ACADS: variants seen among roughly 807,000 people sequenced by gnomAD.
ACADS encodes acyl-CoA dehydrogenase short chain.
Under a neutral mutation model 46.8 loss-of-function variants are expected in ACADS, and 28 were observed. The observed-to-expected ratio is 0.60, with a 90% CI of 0.44 to 0.82. The LOEUF (loss-of-function observed/expected upper bound fraction) is 0.82, where lower values mean the gene tolerates loss of function less well. ACADS is among the 40% of genes least tolerant of loss of function. The pLI is 0.00. For missense variants in ACADS, 528 were observed against 578.0 expected (o/e 0.91, Z 0.89); for synonymous variants, 236 against 237.7 (o/e 0.99, Z 0.07).
Position 120,737,030 on chromosome 12 carries a change from C to T in ACADS, c.255C>T (p.Pro85=), listed in dbSNP as rs113118479. ...GGLGLLAMDV[P]EELGGAGLDY... ...TTGGGCTTCTGGCCATGGACGTGCC[C>T]GAGGAGCTTGGCGGTGCTGGCCTCG... Residue 85 remains proline, a synonymous_variant, in exon 3 of 10, where the codon CCC becomes CCT. Coordinates refer to ENST00000242592, the MANE Select transcript of ACADS (RefSeq NM_000017.4). The T allele has an allele frequency of 1.6e-4, 252 of 1,610,554 alleles. No individual in the cohort carries two copies. The highest frequency in any genetic ancestry group is 2.9e-4 in the South Asian group (26 of 90,104).
rs1883481029 is a variant in ACADS at position 120,737,262 on chromosome 12, G to C, written c.361-94G>C. On this transcript the variant is annotated intron_variant, in intron 3 of 9. Transcript: ENST00000242592. ...TCACAGGCCTTGGTCCTACTGGGTA[G>C]GCCCTGGACAGAACAGGCCCTGAGG... is the stretch of plus-strand genomic sequence containing the variant. 3.3e-6 allele frequency: 5 copies of C among 1,532,978 alleles called. No individual in the cohort carries two copies. In the Admixed American group the frequency reaches 9.7e-5, roughly 30 times the overall value. The allele number at this position is 1,532,978 out of a possible 1,614,324, so 95.0% of individuals were successfully genotyped here.
chr12:120,734,277 G>C (rs998253490), intron 2 of ACADS, among the ~76,000 whole-genome samples: 2 of 152,178 alleles, frequency 1.3e-5, no homozygotes, highest in African/African-American at 2.4e-5. Context: ...CATCTTGGGC[G>C]GTTGCTGTCA....
At chr12:120,726,029 C>A in intron 1 of ACADS, 98 bp downstream of exon 1, 1 of 1,253,872 alleles carries the variant, frequency 8.0e-7, no homozygotes, top group Non-Finnish European at 1.1e-6. Context: ...CGCTGGCAGG[C>A]GGAGCCCCAC....
intron 2 of ACADS, among the ~76,000 whole-genome samples, chr12:120,732,517 G>A (rs1266547729): frequency 2.0e-5 from 3 of 150,364 alleles, no homozygotes; most frequent in Non-Finnish European, 4.4e-5. Flanking sequence ...GGGCGGGCAG[G>A]CAGAGACACT....
chr12:120,737,631 C>T, intron 4 of ACADS, 164 bp downstream of exon 4: 1 of 1,037,364 alleles, frequency 9.6e-7, no homozygotes, highest in South Asian at 1.4e-5. Flanking sequence ...AGGAAGATTG[C>T]CTTCGGGGTC....
At chr12:120,729,331 C>T (rs1019603594) in intron 2 of ACADS, among the ~76,000 whole-genome samples, 28 of 150,036 alleles carry the variant, frequency 1.9e-4, no homozygotes, top group African/African-American at 6.9e-4. Context: ...GATCTTGGCT[C>T]ACTGCAGCCT....
At position 120,738,269 on chromosome 12, in the gene ACADS, T is replaced by C; in HGVS notation, c.625-11T>C. On this transcript the variant is annotated splice_polypyrimidine_tract_variant and intron_variant, in intron 5 of 9. Coordinates refer to ENST00000242592, the MANE Select transcript of ACADS (RefSeq NM_000017.4). Reference sequence around the variant, plus strand: ...GGCAGCTCTGAGAAAACCACCCGCCTCTCCTTTCAGGGCATCAGTGCCTTC... The same window carrying C: ...GGCAGCTCTGAGAAAACCACCCGCCCCTCCTTTCAGGGCATCAGTGCCTTC... 1 of 1,614,014 alleles carries C rather than the reference T, an allele frequency of 6.2e-7. No individual in the cohort carries two copies. The highest frequency in any genetic ancestry group is 1.1e-5 in the South Asian group (1 of 91,078).
rs748594281 is a variant in ACADS at position 120,738,828 on chromosome 12, G to A, written c.942G>A (p.Leu314=). 7 of 1,613,872 alleles carry A rather than the reference G, an allele frequency of 4.3e-6. No individual in the cohort carries two copies. Among genetic ancestry groups the A allele is most frequent in the Non-Finnish European group, 5.9e-6 (7 of 1,180,020 alleles). ...GGGTGGGGCTATTGCAGTTCAAGTT[G>A]GCAGACATGGCCCTGGCCCTGGAGA... ...LTKLQVIQFK[L]ADMALALESA... is the part of the protein sequence containing the mutation. Residue 314 remains leucine (L), a synonymous_variant, in exon 8 of 10, where the codon TTG becomes TTA. Coordinates refer to ENST00000242592, the MANE Select transcript of ACADS (RefSeq NM_000017.4).
rs1456001532 is a variant in ACADS, at chr12:120,727,028, C to A, written c.49C>A (p.Leu17Ile). The A allele has an allele frequency of 1.2e-6, 2 of 1,614,170 alleles. No individual in the cohort carries two copies. Among genetic ancestry groups the A allele is most frequent in the Non-Finnish European group, 1.7e-6 (2 of 1,180,030 alleles). The part of the protein sequence containing the change: ...ARASGPARRA[L>I]CPRAWRQLHT... ...CTCACTTCTGCCCTTGCCGGCAGCT[C>A]TCTGTCCTAGGGCCTGGCGGCAGTT... The change falls in exon 2 of 10, where the codon CTC becomes ATC. Residue 17 changes from leucine to isoleucine, a missense_variant and splice_region_variant. Transcript: ENST00000242592.
chr12:120,737,540 A>C, intron 4 of ACADS, 73 bp downstream of exon 4: 1 of 1,373,148 alleles, frequency 7.3e-7, no homozygotes, highest in Non-Finnish European at 1.0e-6. Context: ...TGCTAGGCCA[A>C]CTGCCCACTG....
At position 120,739,687 on chromosome 12, in the gene ACADS, G is replaced by C; in HGVS notation, c.*239G>C. 1.7e-6 allele frequency: 1 copy of C among 578,922 alleles called. No individual in the cohort carries two copies. The highest frequency in any genetic ancestry group is 3.1e-6 in the Non-Finnish European group (1 of 326,176). The allele number at this position is 578,922 out of a possible 1,614,324, so 35.9% of individuals were successfully genotyped here. ...TCAAGTTCCTCATCTAAGTGGCCCTGGCCTCCTGGGGGCGGGGTTGTGGGG... is the reference window on the plus strand; with the variant it reads ...TCAAGTTCCTCATCTAAGTGGCCCTCGCCTCCTGGGGGCGGGGTTGTGGGG... On this transcript the variant is annotated 3_prime_UTR_variant, in exon 10 of 10. Transcript: ENST00000242592.
In ACADS at chr12:120,728,707, G is replaced by C. The variant is rs139128460; in HGVS notation, c.210+1518G>C. ...ATTTTAGTAGAGACGGGGTTTCACC[G>C]TGTTGCCCAGGCTGGTCTCAAACTC... On this transcript the variant is annotated intron_variant, in intron 2 of 9. Transcript: ENST00000242592. This position sits in a 1 kb window ranked among gnomAD's most constrained non-coding sequence, Gnocchi z 4.0. Among the ~76,000 whole-genome samples, 2 of 150,718 alleles carry C rather than the reference G, an allele frequency of 1.3e-5. No individual in the cohort carries two copies. Among genetic ancestry groups the C allele is most frequent in the Non-Finnish European group, 3.0e-5 (2 of 67,670 alleles).
Position 120,739,529 on chromosome 12 carries a change from C to G in ACADS, c.*81C>G, listed in dbSNP as rs371172924. ...CCCCAACCCCGGCTCAGAGACTGGG[C>G]GGCCCGGCGGGGGCTCCCTGGGGAC... On this transcript the variant is annotated 3_prime_UTR_variant, in exon 10 of 10. Coordinates refer to ENST00000242592, the MANE Select transcript of ACADS (RefSeq NM_000017.4). The G allele has an allele frequency of 6.5e-7, 1 of 1,532,644 alleles. No individual in the cohort carries two copies. The highest frequency in any genetic ancestry group is 1.4e-5 in the African/African-American group (1 of 73,766). The allele number at this position is 1,532,644 out of a possible 1,614,324, so 94.9% of individuals were successfully genotyped here.
At chr12:120,729,439 G>A (rs528922895) in intron 2 of ACADS, among the ~76,000 whole-genome samples, 5 of 151,922 alleles carry the variant, frequency 3.3e-5, no homozygotes, top group Non-Finnish European at 7.4e-5. Flanking sequence ...TGTATTTTTA[G>A]TAGAGATGGG....
intron 2 of ACADS, among the ~76,000 whole-genome samples, chr12:120,731,627 GTATTTATTTTATTTTATTT>G (rs1883250021): frequency 6.7e-6 from 1 of 150,104 alleles, no homozygotes; most frequent in East Asian, 1.9e-4. Flanking sequence ...GCTAATTCTT[GTATTTATTTTATTTTATTT>G]TATTTTTTTT....
At chr12:120,732,526 C>G (rs185575970) in intron 2 of ACADS, among the ~76,000 whole-genome samples, 7 of 148,736 alleles carry the variant, frequency 4.7e-5, no homozygotes, top group Admixed American at 4.0e-4. Flanking sequence ...GGCAGAGACA[C>G]TCCTCACCTC....
chr12:120,726,237 G>C (rs886391080), intron 1 of ACADS, among the ~76,000 whole-genome samples: 28 of 151,682 alleles, frequency 1.8e-4, no homozygotes, highest in African/African-American at 6.8e-4. Context: ...TTCTTCCGGA[G>C]CCAGGCCTGG....
chr12:120,729,340 C>G (rs1452104776), intron 2 of ACADS, among the ~76,000 whole-genome samples: 1 of 151,214 alleles, frequency 6.6e-6, no homozygotes, highest in Non-Finnish European at 1.5e-5. Flanking sequence ...TCACTGCAGC[C>G]TCTGTCTCCC....
intron 7 of ACADS, 39 bp from the exon 8 acceptor site, chr12:120,738,781 G>T (rs1450219437): frequency 1.2e-6 from 2 of 1,612,848 alleles, no homozygotes; most frequent in African/African-American, 2.7e-5. Context: ...CCCTGGAGGG[G>T]CAGCTGCTGA....
Sources: allele counts gnomAD v4.1 joint callset (sites outside exome capture counted in the v4.1 genomes callset), GRCh38; gene constraint gnomAD v4.1.1; non-coding constraint Gnocchi (gnomAD v3.1); transcripts MANE v1.5; gene names NCBI Gene and HGNC (gene_info 2026-07-23, HGNC 2026-07-21).